The following CRPPA variants were observed in gnomAD, a reference collection of about 807,000 sequenced individuals.
CRPPA encodes the protein D-ribitol-5-phosphate cytidylyltransferase.
In CRPPA, 43 loss-of-function variants were observed where a neutral mutation model predicts 52.0. The ratio of observed to expected loss-of-function variants is 0.83; its 90% CI spans 0.65 to 1.07. The LOEUF (loss-of-function observed/expected upper bound fraction) is 1.07. Ranked by LOEUF, CRPPA falls within the 50% of genes least tolerant of loss-of-function variation. The pLI, the probability that CRPPA is intolerant of heterozygous loss-of-function variation, is 0.00. For missense variants in CRPPA, 629 were observed against 551.7 expected (o/e 1.14, Z -1.40); for synonymous variants, 250 against 203.5 (o/e 1.23, Z -1.94).
intron 5 of CRPPA, among the ~76,000 whole-genome samples, chr7:16,278,493 A>G (rs1490666511): frequency 3.3e-5 from 5 of 152,232 alleles, no homozygotes; most frequent in African/African-American, 1.2e-4. Flanking sequence ...TTTAGGATGC[A>G]TTCGGAAGGG....
intron 9 of CRPPA, among the ~76,000 whole-genome samples, chr7:16,104,195 C>A (rs931375391): frequency 6.6e-5 from 10 of 152,114 alleles, no homozygotes; most frequent in African/African-American, 2.4e-4. Context: ...TTACAACCTG[C>A]AAAAATACTT....
chr7:16,182,988 G>A (rs1017985150), intron 9 of CRPPA, among the ~76,000 whole-genome samples: 1 of 152,106 alleles, frequency 6.6e-6, no homozygotes, highest in African/African-American at 2.4e-5. Flanking sequence ...CACAAGGGCT[G>A]ACTCAAGGCT....
chr7:16,286,064 T>TTTAAAAAAAAA (rs1562608509), intron 5 of CRPPA, among the ~76,000 whole-genome samples: 17 of 29,770 alleles, frequency 5.7e-4, no homozygotes, highest in African/African-American at 1.9e-3. Flanking sequence ...TATATATATA[T>TTTAAAAAAAAA]ATATATATAT....
chr7:16,286,239 G>A (rs1476303347), intron 5 of CRPPA, among the ~76,000 whole-genome samples: 3 of 150,496 alleles, frequency 2.0e-5, no homozygotes, highest in African/African-American at 7.4e-5. Context: ...CTGAGAAGGT[G>A]TTTTGGGATG....
At chr7:16,162,010 T>C (rs900694534) in intron 9 of CRPPA, among the ~76,000 whole-genome samples, 4 of 152,206 alleles carry the variant, frequency 2.6e-5, no homozygotes, top group Admixed American at 6.5e-5. Context: ...GTAGTTTGTA[T>C]TTCTATAGGA....
chr7:16,398,644 A>T (rs966275715), intron 2 of CRPPA, among the ~76,000 whole-genome samples: 1 of 152,170 alleles, frequency 6.6e-6, no homozygotes, highest in Non-Finnish European at 1.5e-5. Flanking sequence ...CGTGACAAAC[A>T]TCACTGAAAC....
chr7:16,141,633 T>C (rs952855151), intron 9 of CRPPA, among the ~76,000 whole-genome samples: 1 of 152,212 alleles, frequency 6.6e-6, no homozygotes, highest in African/African-American at 2.4e-5. Context: ...ATCAGTGTGT[T>C]AGAAGGATTC....
chr7:16,283,825 A>T (rs547511461), intron 5 of CRPPA, among the ~76,000 whole-genome samples: 1 of 151,992 alleles, frequency 6.6e-6, no homozygotes, highest in African/African-American at 2.4e-5. Flanking sequence ...CAATTAAGCA[A>T]TCTCTAACAT....
intron 3 of CRPPA, among the ~76,000 whole-genome samples, chr7:16,337,810 T>A (rs6946720): frequency 6.6e-6 from 1 of 152,104 alleles, no homozygotes; most frequent in Non-Finnish European, 1.5e-5. Context: ...CCTACCAAAC[T>A]GAATCTAAAT....
chr7:16,246,730 T>C (rs1783286651), intron 8 of CRPPA, among the ~76,000 whole-genome samples: 1 of 152,248 alleles, frequency 6.6e-6, no homozygotes, highest in Non-Finnish European at 1.5e-5. Context: ...AATCTTTCTT[T>C]GTGAGCATTA....
At chr7:16,412,640 A>G (rs1203745794) in intron 1 of CRPPA, among the ~76,000 whole-genome samples, 1 of 152,180 alleles carries the variant, frequency 6.6e-6, no homozygotes, top group Admixed American at 6.5e-5. Flanking sequence ...TAATAATGTA[A>G]AATCATGGGA....
intron 9 of CRPPA, among the ~76,000 whole-genome samples, chr7:16,187,357 G>A (rs573959843): frequency 7.2e-5 from 11 of 152,098 alleles, no homozygotes; most frequent in Non-Finnish European, 1.3e-4. Flanking sequence ...TTTCTGAATT[G>A]TGTAACAATA....
In CRPPA at chr7:16,214,694, C is replaced by A. The variant is rs192959291; in HGVS notation, c.1251+1372G>T. ...TAATTTTTTAACTTTTTTGTAGAGA[C>A]AAGGGTTTCACCGTGTTGGCCAGGC... On this transcript the variant is annotated intron_variant, in intron 9 of 9. Transcript: ENST00000407010. Among the ~76,000 whole-genome samples the A allele has an allele frequency of 2.9e-3, 443 of 152,154 alleles. 1 individual carries two copies. Among genetic ancestry groups the A allele is most frequent in the Non-Finnish European group, 4.7e-3 (319 of 67,992 alleles).
rs145168736 is a variant in CRPPA, at chr7:16,150,917, T to C, written c.1252-59118A>G. ...ATGATAATAAACCCTCTCTGGCAAA[T>C]GGCATTAATCCATTCATAAGGGTAG... On this transcript the variant is annotated intron_variant, in intron 9 of 9. Transcript: ENST00000407010. Among the ~76,000 whole-genome samples the C allele has an allele frequency of 2.9e-3, 448 of 152,274 alleles. 3 individuals carry two copies. Among genetic ancestry groups the C allele is most frequent in the African/African-American group, 0.01 (429 of 41,564 alleles).
At chr7:16,197,175 T>C (rs190244920) in intron 9 of CRPPA, among the ~76,000 whole-genome samples, 71 of 152,218 alleles carry the variant, frequency 4.7e-4, no homozygotes, top group Non-Finnish European at 8.2e-4. Context: ...GCCACACACC[T>C]GGGAATCAGG....
intron 3 of CRPPA, among the ~76,000 whole-genome samples, chr7:16,350,041 A>T (rs935855033): frequency 3.9e-5 from 6 of 152,032 alleles, no homozygotes; most frequent in South Asian, 2.1e-4. Flanking sequence ...GCCCCCATAA[A>T]ATGATCAGTG....
intron 9 of CRPPA, among the ~76,000 whole-genome samples, chr7:16,196,765 T>A (rs1781745570): frequency 6.6e-6 from 1 of 152,138 alleles, no homozygotes; most frequent in Admixed American, 6.5e-5. Flanking sequence ...CACATCAAAC[T>A]TTCTGGTCCC....
At chr7:16,106,877 G>A (rs1782162928) in intron 9 of CRPPA, among the ~76,000 whole-genome samples, 1 of 151,986 alleles carries the variant, frequency 6.6e-6, no homozygotes, top group Non-Finnish European at 1.5e-5. Flanking sequence ...AGAATATACA[G>A]ATAGGAAATT....
At chr7:16,312,860 T>C (rs55665993) in intron 3 of CRPPA, among the ~76,000 whole-genome samples, 3,236 of 152,062 alleles carry the variant, frequency 0.021, 109 homozygotes, top group African/African-American at 0.072. Context: ...TTTCTGCCTA[T>C]TGATGTGATG....
Sources: gnomAD v4.1 joint callset for allele counts (sites outside exome capture counted in the v4.1 genomes callset) on GRCh38, gnomAD v4.1.1 for gene constraint, MANE v1.5 for transcripts, NCBI Gene and HGNC (gene_info 2026-07-23, HGNC 2026-07-21) for gene names.